The following IGSF11 variants were observed in gnomAD, a reference collection of about 807,000 sequenced individuals.
The protein encoded by IGSF11 is CXADR like 1.
Under a neutral mutation model 41.0 loss-of-function variants are expected in IGSF11, and 22 were observed. That is an observed-to-expected ratio of 0.54 (90% confidence interval 0.38 to 0.77). IGSF11 has a LOEUF of 0.77. IGSF11 is among the 30% of genes least tolerant of loss of function. IGSF11 has a pLI of 0.00. For synonymous variants in IGSF11, 219 were observed against 201.3 expected (o/e 1.09, Z -0.74); for missense variants, 444 against 530.8 (o/e 0.84, Z 1.61).
intron 1 of IGSF11, among the ~76,000 whole-genome samples, chr3:119,018,149 C>A (rs906287383): frequency 1.3e-5 from 2 of 152,096 alleles, no homozygotes; most frequent in Non-Finnish European, 2.9e-5. Flanking sequence ...ATTGTAAACT[C>A]TCATAGCTAG....
chr3:118,958,274 G>A (rs544338236), intron 1 of IGSF11, among the ~76,000 whole-genome samples: 54 of 148,174 alleles, frequency 3.6e-4, no homozygotes, highest in Non-Finnish European at 5.8e-4. Flanking sequence ...CATAAAAGAA[G>A]AAAGAAATAC....
intron 1 of IGSF11, among the ~76,000 whole-genome samples, chr3:119,130,527 C>CT (rs1485100621): frequency 2.0e-5 from 3 of 152,194 alleles, no homozygotes; most frequent in African/African-American, 7.2e-5. Flanking sequence ...ATTACTGAGG[C>CT]TTGAGTAGGT....
intron 1 of IGSF11, among the ~76,000 whole-genome samples, chr3:119,023,154 C>A (rs945874517): frequency 1.3e-5 from 2 of 150,390 alleles, no homozygotes; most frequent in East Asian, 4.0e-4. Flanking sequence ...CCCAGCTACT[C>A]GGAAGGCTGA....
intron 1 of IGSF11, among the ~76,000 whole-genome samples, chr3:119,014,050 G>T (rs1294795811): frequency 6.6e-6 from 1 of 152,224 alleles, no homozygotes; most frequent in African/African-American, 2.4e-5. Context: ...AGTGGAAGCT[G>T]AGCTTCATCT....
intron 1 of IGSF11, among the ~76,000 whole-genome samples, chr3:119,137,333 T>C (rs750369129): frequency 2.6e-5 from 4 of 152,090 alleles, no homozygotes; most frequent in Non-Finnish European, 5.9e-5. Context: ...TAAAGATCTA[T>C]AATAATCAAG....
Position 118,930,190 on chromosome 3 carries a change from G to A in IGSF11, c.138C>T (p.Phe46=). 6.2e-7 allele frequency: 1 copy of A among 1,614,084 alleles called. No individual in the cohort carries two copies. Among genetic ancestry groups the A allele is most frequent in the Non-Finnish European group, 8.5e-7 (1 of 1,179,938 alleles). ...GGTTAATGAGGGCAGCGCTGGTAGTGAAAGTGCAGGGCAGGACTGCTGGCT... is the reference window on the plus strand; with the variant it reads ...GGTTAATGAGGGCAGCGCTGGTAGTAAAAGTGCAGGGCAGGACTGCTGGCT... ...RGQPAVLPCT[F]TTSAALINLN... The change falls in exon 2 of 7, where the codon TTC becomes TTT. Residue 46 remains phenylalanine (F), a synonymous_variant. Coordinates refer to ENST00000393775, the MANE Select transcript of IGSF11 (RefSeq NM_001015887.3).
In IGSF11 at chr3:118,930,220, C is replaced by T. The variant is rs140927546; in HGVS notation, c.108G>A (p.Arg36=). 2 of 1,613,954 alleles carry T rather than the reference C, an allele frequency of 1.2e-6. No homozygotes were observed. The highest frequency in any genetic ancestry group is 1.7e-6 in the Non-Finnish European group (2 of 1,179,892). Residue 36 remains arginine (R), a synonymous_variant, in exon 2 of 7, where the codon CGG becomes CGA. Transcript: ENST00000393775. ...TGCAGGGCAGGACTGCTGGCTGACC[C>T]CGGGCCACCTGGATACTCCCAGGGC... ...SESPGSIQVA[R]GQPAVLPCTF...
At position 118,928,231 on chromosome 3, in the gene IGSF11, A is replaced by G. The variant is rs554649452; in HGVS notation, c.424+278T>C. Among the ~76,000 whole-genome samples the G allele has an allele frequency of 8.5e-5, 13 of 152,328 alleles. 2 individuals are homozygous for G. Among genetic ancestry groups the G allele is most frequent in the African/African-American group, 2.9e-4 (12 of 41,576 alleles). ...AGTTCTGTACTGTAGAAGCTTAAGA[A>G]AAGTGAGAGACCACTTCTGATGGTA... On this transcript the variant is annotated intron_variant, in intron 3 of 6. Transcript: ENST00000393775.
chr3:118,976,392 T>C, intron 1 of IGSF11, among the ~76,000 whole-genome samples: 1 of 152,222 alleles, frequency 6.6e-6, no homozygotes, highest in East Asian at 1.9e-4. Context: ...TTGTCTGTAC[T>C]TTCAAATAGC....
At chr3:119,095,309 A>C (rs2076832411) in intron 1 of IGSF11, among the ~76,000 whole-genome samples, 1 of 152,200 alleles carries the variant, frequency 6.6e-6, no homozygotes, top group South Asian at 2.1e-4. Context: ...GAATTGAACA[A>C]TGAACCAAGC....
At chr3:119,050,645 G>C (rs957367231) in intron 1 of IGSF11, among the ~76,000 whole-genome samples, 48 of 152,042 alleles carry the variant, frequency 3.2e-4, no homozygotes, top group African/African-American at 1.1e-3. Context: ...CCCATTACTG[G>C]GTATATACCC....
intron 1 of IGSF11, among the ~76,000 whole-genome samples, chr3:119,103,932 CT>C (rs1460395782): frequency 6.6e-6 from 1 of 152,150 alleles, no homozygotes; most frequent in Admixed American, 6.5e-5. Context: ...CATAACTGCT[CT>C]TGGTAATGCC....
At chr3:119,038,307 G>A (rs974016684), upstream of IGSF11, among the ~76,000 whole-genome samples, 6 of 152,096 alleles carry the variant, frequency 3.9e-5, no homozygotes, top group African/African-American at 7.2e-5. Flanking sequence ...AACTCATAAC[G>A]TAGATATATT....
chr3:119,059,393 G>C (rs1215429548), intron 1 of IGSF11, among the ~76,000 whole-genome samples: 2 of 152,080 alleles, frequency 1.3e-5, no homozygotes, highest in East Asian at 1.9e-4. Flanking sequence ...ATGATAAATG[G>C]ACTCTGGGGA....
chr3:118,902,456 C>G lies in IGSF11; in HGVS notation c.*64G>C, dbSNP rs1397507648. 1 of 610,668 alleles carries G rather than the reference C, an allele frequency of 1.6e-6. No individual in the cohort carries two copies. Among genetic ancestry groups the G allele is most frequent in the Non-Finnish European group, 3.1e-6 (1 of 326,622 alleles). 37.8% of individuals were successfully genotyped at this position (610,668 alleles called of 1,614,324 possible). ...GTTTCTTTCCCAGCACTCCCCACCC[C>G]ACCCTCCCCCTTGTATGAGGGCATT... On this transcript the variant is annotated 3_prime_UTR_variant, in exon 7 of 7. Transcript: ENST00000393775.
At chr3:119,000,632 A>T (rs1816523) in intron 1 of IGSF11, among the ~76,000 whole-genome samples, 1 of 151,948 alleles carries the variant, frequency 6.6e-6, no homozygotes, top group South Asian at 2.1e-4. Flanking sequence ...ATCATTATTA[A>T]TCTGTGTCAT....
chr3:118,984,545 G>C (rs1311825721), intron 1 of IGSF11, among the ~76,000 whole-genome samples: 1 of 152,102 alleles, frequency 6.6e-6, no homozygotes, highest in Non-Finnish European at 1.5e-5. Flanking sequence ...AAAATAGAAA[G>C]AAGGGAAGGA....
chr3:119,036,015 G>A (rs1940882342), upstream of IGSF11, among the ~76,000 whole-genome samples: 2 of 152,130 alleles, frequency 1.3e-5, no homozygotes. Flanking sequence ...AGGATTGGAA[G>A]ATATATGTAA....
At chr3:118,916,458 T>C (rs917509571) in intron 4 of IGSF11, among the ~76,000 whole-genome samples, 65 of 152,058 alleles carry the variant, frequency 4.3e-4, no homozygotes, top group African/African-American at 1.5e-3. Context: ...GTTGCAATCC[T>C]AGTCTCTGAT....
Sources: allele counts gnomAD v4.1 joint callset (sites outside exome capture counted in the v4.1 genomes callset), GRCh38; gene constraint gnomAD v4.1.1; transcripts MANE v1.5; gene names NCBI Gene and HGNC (gene_info 2026-07-23, HGNC 2026-07-21).